The following G6PC3 variants were observed in gnomAD, a reference collection of about 807,000 sequenced individuals.
G6PC3 encodes the protein glucose-6-phosphatase 3.
G6PC3 carries 30 observed loss-of-function variants against 38.6 expected under a neutral mutation model. The observed-to-expected ratio is 0.78, with a 90% confidence interval of 0.58 to 1.05. The LOEUF (loss-of-function observed/expected upper bound fraction) is 1.05, where lower values mean the gene tolerates loss of function less well. Ranked by LOEUF, G6PC3 falls within the 50% of genes least tolerant of loss-of-function variation. The probability of loss-of-function intolerance (pLI) is 0.00; values close to 1 mark genes in which losing one functional copy is unlikely to be tolerated. For missense variants in G6PC3, 377 were observed against 443.1 expected, an observed-to-expected ratio of 0.85 and a Z score of 1.34; for synonymous variants, 192 against 178.1, an observed-to-expected ratio of 1.08 and a Z score of -0.62.
At position 44,075,437 on chromosome 17, in the gene G6PC3, C is replaced by T. The variant is rs755850518; in HGVS notation, c.663C>T (p.Gly221=). ...SLIYWTLFTL[G]LDLSWSISLA... is the part of the protein sequence containing the mutation. ...TCTATTGGACCCTCTTTACACTGGG[C>T]CTGGATCTTTCTTGGTAAGTCTCGC... is the stretch of plus-strand genomic sequence containing the variant. The change falls in exon 5 of 6, where the codon GGC becomes GGT. Residue 221 remains glycine (G), a synonymous_variant. Coordinates refer to ENST00000269097, the MANE Select transcript of G6PC3 (RefSeq NM_138387.4). 1.2e-6 allele frequency: 2 copies of T among 1,614,212 alleles called. No homozygotes were observed. The highest frequency in any genetic ancestry group is 1.1e-5 in the South Asian group (1 of 91,084).
Position 44,071,126 on chromosome 17 carries a change from G to A in G6PC3, c.161G>A (p.Gly54Asp). ...GCCTACTACGCCTCCCGCCGTGTGG[G>A]CATCGCGGTGCTCTGGATCAGCCTC... is the stretch of plus-strand genomic sequence containing the variant. ...PAAYYASRRV[G>D]IAVLWISLIT... is the part of the protein sequence containing the mutation. Residue 54 changes from glycine (G) to aspartate (D), a missense_variant, in exon 1 of 6, where the codon GGC becomes GAC. By Grantham distance (94) the Gly-to-Asp change is moderately conservative. Transcript: ENST00000269097. The A allele has an allele frequency of 2.5e-6, 4 of 1,613,938 alleles. No individual in the cohort carries two copies. The highest frequency in any genetic ancestry group is 3.4e-6 in the Non-Finnish European group (4 of 1,179,986).
intron 3 of G6PC3, 88 bp from the exon 4 acceptor site, chr17:44,074,881 T>C (rs2050052616): frequency 1.4e-6 from 2 of 1,455,182 alleles, no homozygotes; most frequent in Non-Finnish European, 9.7e-7. Flanking sequence ...CCCTAGGTTG[T>C]GTGGTTCAAC....
Position 44,074,281 on chromosome 17 carries a change from AC to A in G6PC3, c.325+16del, listed in dbSNP as rs1200214775. On this transcript the variant is annotated intron_variant, in intron 2 of 5. Coordinates refer to ENST00000269097, the MANE Select transcript of G6PC3 (RefSeq NM_138387.4). Reference sequence around the variant, plus strand: ...GACTGGTCCAGGTGGGAAGCCTCAAACATTCTCCCTTTCCCAATGTGGTTAG... The same window carrying A: ...GACTGGTCCAGGTGGGAAGCCTCAAAATTCTCCCTTTCCCAATGTGGTTAG... 3 of 1,564,930 alleles carry A rather than the reference AC, an allele frequency of 1.9e-6. 1 individual carries two copies. In the South Asian group the frequency reaches 3.3e-5, roughly 17 times the overall value.
chr17:44,075,591 C>G, intron 5 of G6PC3, 89 bp from the exon 6 acceptor site: 1 of 1,601,646 alleles, frequency 6.2e-7, no homozygotes, highest in Non-Finnish European at 8.5e-7. Flanking sequence ...CAAAACAGAA[C>G]ATGGGAGTGG....
At position 44,076,117 on chromosome 17, in the gene G6PC3, C is replaced by T. The variant is rs1350594742; in HGVS notation, c.*74C>T. ...GTGACCACCACACTCCAGGAGGCAG[C>T]CCCATCCCCTTCCAGCCCCTAAGTA... is the stretch of plus-strand genomic sequence containing the variant. On this transcript the variant is annotated 3_prime_UTR_variant, in exon 6 of 6. Coordinates refer to ENST00000269097, the MANE Select transcript of G6PC3 (RefSeq NM_138387.4). The T allele has an allele frequency of 1.3e-6, 2 of 1,585,232 alleles. No individual in the cohort carries two copies. Among genetic ancestry groups the T allele is most frequent in the Non-Finnish European group, 1.7e-6 (2 of 1,164,800 alleles).
chr17:44,074,246 C>T lies in G6PC3; in HGVS notation c.305C>T (p.Ser102Phe), dbSNP rs750742016. 4 of 1,613,094 alleles carry T rather than the reference C, an allele frequency of 2.5e-6. No individual in the cohort carries two copies. The highest frequency in any genetic ancestry group is 2.2e-5 in the East Asian group (1 of 44,874). Residue 102 changes from serine (S) to phenylalanine (F), a missense_variant, in exon 2 of 6, where the codon TCT becomes TTT. Physicochemically the swap from Ser to Phe is radical, Grantham distance 155. Coordinates refer to ENST00000269097, the MANE Select transcript of G6PC3 (RefSeq NM_138387.4). ...CCAGCCCAGGTTCACCAGTTCCCCTCTTCTTGTGAGACTGGTCCAGGTGGG... is the reference window on the plus strand; with the variant it reads ...CCAGCCCAGGTTCACCAGTTCCCCTTTTCTTGTGAGACTGGTCCAGGTGGG... ...QAPAQVHQFP[S>F]SCETGPGSPS...
At position 44,074,960 on chromosome 17, in the gene G6PC3, T is replaced by A; in HGVS notation, c.417-9T>A. 1 of 1,612,168 alleles carries A rather than the reference T, an allele frequency of 6.2e-7. No homozygotes were observed. The highest frequency in any genetic ancestry group is 8.5e-7 in the Non-Finnish European group (1 of 1,178,144). On this transcript the variant is annotated splice_polypyrimidine_tract_variant and intron_variant, in intron 3 of 5. Transcript: ENST00000269097. ...CACGCTCTGAGCTCCTTGCCTCTCTTCTTTCTAGCCGCTGGGTAAGGGTGA... is the reference window on the plus strand; with the variant it reads ...CACGCTCTGAGCTCCTTGCCTCTCTACTTTCTAGCCGCTGGGTAAGGGTGA...
chr17:44,075,214 T>A (rs1448052959), intron 4 of G6PC3, 96 bp from the exon 5 acceptor site: 2 of 1,553,708 alleles, frequency 1.3e-6, no homozygotes, highest in African/African-American at 2.7e-5. Context: ...TATGTCTCAG[T>A]TTATTCTCTT....
At chr17:44,074,067 A>C (rs1209899653) in intron 1 of G6PC3, 93 bp from the exon 2 acceptor site, 1 of 847,920 alleles carries the variant, frequency 1.2e-6, no homozygotes, top group African/African-American at 1.7e-5. Flanking sequence ...TTCACCCCTC[A>C]GGCCCTCCAG....
chr17:44,075,776 C>G lies in G6PC3; in HGVS notation c.774C>G (p.Ala258=), dbSNP rs1237452100. ...CCCTGAGCCGTGACTCAGGGGCTGC[C>G]CTGGGCCTGGGCATTGCCTTGCACT... The part of the protein sequence containing the change: ...FASLSRDSGA[A]LGLGIALHSP... The change falls in exon 6 of 6, where the codon GCC becomes GCG. Residue 258 remains alanine (A), a synonymous_variant. Coordinates refer to ENST00000269097, the MANE Select transcript of G6PC3 (RefSeq NM_138387.4). The G allele has an allele frequency of 6.2e-7, 1 of 1,612,048 alleles. No homozygotes were observed. The highest frequency in any genetic ancestry group is 8.5e-7 in the Non-Finnish European group (1 of 1,179,988).
intron 2 of G6PC3, among the ~76,000 whole-genome samples, 196 bp from the exon 3 acceptor site, chr17:44,074,482 GAC>G (rs2050037711): frequency 6.6e-6 from 1 of 152,200 alleles, no homozygotes. Context: ...ACAGCCAAGA[GAC>G]ACAGATCAGG....
Position 44,070,948 on chromosome 17 carries a change from G to T in G6PC3, c.-18G>T, listed in dbSNP as rs1555626179. 6.5e-7 allele frequency: 1 copy of T among 1,548,704 alleles called. No homozygotes were observed. Among genetic ancestry groups the T allele is most frequent in the Non-Finnish European group, 8.7e-7 (1 of 1,146,982 alleles). Reference sequence around the variant, plus strand: ...CCGCCCTGGAGCAAGCCGGGGCCTGGTCGGCAGCTGGGCCGCCATGGAGTC... The same window carrying T: ...CCGCCCTGGAGCAAGCCGGGGCCTGTTCGGCAGCTGGGCCGCCATGGAGTC... On this transcript the variant is annotated 5_prime_UTR_variant, in exon 1 of 6. Coordinates refer to ENST00000269097, the MANE Select transcript of G6PC3 (RefSeq NM_138387.4).
chr17:44,074,518 T>C lies in G6PC3; in HGVS notation c.326-162T>C, dbSNP rs571508737. Among the ~76,000 whole-genome samples, 8 of 152,290 alleles carry C rather than the reference T, an allele frequency of 5.3e-5. No homozygotes were observed. In the East Asian group the frequency reaches 1.5e-3, roughly 29 times the overall value. On this transcript the variant is annotated intron_variant, in intron 2 of 5. Coordinates refer to ENST00000269097, the MANE Select transcript of G6PC3 (RefSeq NM_138387.4). Reference sequence around the variant, plus strand: ...GGACAGAAACCTGAGCACAGTGACCTCAAGTGGCAGTAAAAAGGCCTCAGA... The same window carrying C: ...GGACAGAAACCTGAGCACAGTGACCCCAAGTGGCAGTAAAAAGGCCTCAGA...
chr17:44,071,304 C>T lies in G6PC3; in HGVS notation c.218+121C>T, dbSNP rs987290187. 1.0e-5 allele frequency: 15 copies of T among 1,498,510 alleles called. No homozygotes were observed. In the Admixed American group the frequency reaches 2.8e-4, roughly 28 times the overall value. The allele number at this position is 1,498,510 out of a possible 1,614,324, so 92.8% of individuals were successfully genotyped here. A position where few individuals can be genotyped will look rare whatever the true frequency, so the allele number is the denominator to read the frequency against. On this transcript the variant is annotated intron_variant, in intron 1 of 5. Coordinates refer to ENST00000269097, the MANE Select transcript of G6PC3 (RefSeq NM_138387.4). ...CCTTCCCACCCCTACTCTGTAGTCC[C>T]TGATTTTTTTTCCCCTTGAGCATCT...
At chr17:44,073,969 T>G (rs937206120) in intron 1 of G6PC3, 191 bp from the exon 2 acceptor site, 9 of 668,576 alleles carry the variant, frequency 1.3e-5, no homozygotes, top group African/African-American at 9.0e-5. Flanking sequence ...TAGTGTGCTT[T>G]CTTTCTCCTG....
At position 44,071,060 on chromosome 17, in the gene G6PC3, T is replaced by C; in HGVS notation, c.95T>C (p.Leu32Pro). The change falls in exon 1 of 6, where the codon CTG (leucine) becomes CCG (proline). Residue 32 changes from leucine to proline, a missense_variant. By Grantham distance (98) the Leu-to-Pro change is moderately conservative (BLOSUM62 -3). Coordinates refer to ENST00000269097, the MANE Select transcript of G6PC3 (RefSeq NM_138387.4). The stretch of plus-strand genomic sequence containing the variant: ...AACGTGTGGCTCTGGATCACCTTTC[T>C]GGGCGATCCCAAGATCCTCTTTCTG... The part of the protein sequence containing the change: ...LENVWLWITF[L>P]GDPKILFLFY... 1 of 1,610,178 alleles carries C rather than the reference T, an allele frequency of 6.2e-7. No homozygotes were observed. Among genetic ancestry groups the C allele is most frequent in the Non-Finnish European group, 8.5e-7 (1 of 1,178,236 alleles).
intron 1 of G6PC3, chr17:44,071,525 G>T: frequency 1.5e-6 from 1 of 649,110 alleles, no homozygotes; most frequent in Non-Finnish European, 2.3e-6. Context: ...TTGGTTTATG[G>T]GAATTCATAT....
At position 44,070,879 on chromosome 17, in the gene G6PC3, G is replaced by A. The variant is rs2049962951; in HGVS notation, c.-87G>A. 6.8e-7 allele frequency: 1 copy of A among 1,461,650 alleles called. No homozygotes were observed. The highest frequency in any genetic ancestry group is 1.4e-5 in the African/African-American group (1 of 71,570). 90.5% of individuals were successfully genotyped at this position (1,461,650 alleles called of 1,614,324 possible). On this transcript the variant is annotated 5_prime_UTR_variant, in exon 1 of 6. Coordinates refer to ENST00000269097, the MANE Select transcript of G6PC3 (RefSeq NM_138387.4). ...CTGGGGCTCAGAGGGGTGGGCTTTG[G>A]AGATCAGAGGGTCGACGCTGCTTCG...
intron 1 of G6PC3, chr17:44,073,886 A>G: frequency 2.4e-6 from 1 of 424,098 alleles, no homozygotes; most frequent in Non-Finnish European, 4.4e-6. Flanking sequence ...GAGCCACTGT[A>G]CCTGGCCCCA....
Sources: gnomAD v4.1 joint callset for allele counts (sites outside exome capture counted in the v4.1 genomes callset) on GRCh38, gnomAD v4.1.1 for gene constraint, MANE v1.5 for transcripts, NCBI Gene and HGNC (gene_info 2026-07-23, HGNC 2026-07-21) for gene names.